The following DDX3X variants were observed in gnomAD, a reference collection of about 807,000 sequenced individuals.
DDX3X encodes ATP-dependent RNA helicase DDX3X.
DDX3X carries 4 observed loss-of-function variants against 52.7 expected under a neutral mutation model. The ratio of observed to expected loss-of-function variants is 0.08; its 90% CI spans 0.04 to 0.17. The LOEUF (loss-of-function observed/expected upper bound fraction) is 0.17. Among genes scored for constraint, DDX3X ranks in the 10% least tolerant of loss-of-function variants. The pLI, the probability that DDX3X is intolerant of heterozygous loss-of-function variation, is 1.00. For synonymous variants in DDX3X, 192 were observed against 178.1 expected (o/e 1.08, Z -0.62); for missense variants, 222 against 548.6 (o/e 0.40, Z 5.95).
At chrX:41,335,712 G>A (rs2063756982) in intron 1 of DDX3X, 2 of 112,076 alleles carry the variant, frequency 1.8e-5, no homozygotes, top group Middle Eastern at 9.2e-3. Context: ...TATTTTTTAG[G>A]AATTGATCTG....
At chrX:41,341,410 A>G in intron 3 of DDX3X, 74 bp from the exon 4 acceptor site, 1 of 917,364 alleles carries the variant, frequency 1.1e-6, no homozygotes, top group Non-Finnish European at 1.5e-6. Context: ...CAAATTCAGA[A>G]AGATTGATAA....
intron 7 of DDX3X, 112 bp from the exon 8 acceptor site, chrX:41,343,625 A>T (rs1326875703): frequency 1.4e-6 from 1 of 719,382 alleles, no homozygotes; most frequent in Non-Finnish European, 2.0e-6. Flanking sequence ...GGAAAACTTA[A>T]GCATAAACTA....
upstream of DDX3X, chrX:41,333,461 C>T (rs184221562): frequency 9.2e-6 from 1 of 108,613 alleles, no homozygotes; most frequent in Admixed American, 9.8e-5. Context: ...GTTCTCTCCT[C>T]CTCTTCCCCT....
At chrX:41,357,805 A>G in intron 5 of DDX3X, 1 of 295,716 alleles carries the variant, frequency 3.4e-6, no homozygotes, top group Non-Finnish European at 5.9e-6. Flanking sequence ...ACTTCCTAAC[A>G]TGGGATTCTC....
intron 12 of DDX3X, 51 bp from the exon 13 acceptor site, chrX:41,346,178 A>G: frequency 9.2e-7 from 1 of 1,089,170 alleles, no homozygotes; most frequent in African/African-American, 1.8e-5. Context: ...CATAAGTGCA[A>G]AGAGAACTAA....
chrX:41,363,966 G>A (rs1416963708), intron 5 of DDX3X, among the ~76,000 whole-genome samples: 3 of 111,358 alleles, frequency 2.7e-5, no homozygotes, highest in African/African-American at 9.8e-5. Context: ...GTTCTTCCAC[G>A]CTTCCTTCAG....
At chrX:41,340,956 C>T (rs995905398) in intron 3 of DDX3X, 2 of 280,420 alleles carry the variant, frequency 7.1e-6, no homozygotes, top group African/African-American at 5.6e-5. Flanking sequence ...CATTCTTAGA[C>T]TGTCAGATTG....
chrX:41,351,742 T>G (rs1412060313), downstream of DDX3X: 1 of 112,015 alleles, frequency 8.9e-6, no homozygotes, highest in African/African-American at 3.2e-5. Context: ...GTTTCTAATG[T>G]GGCTGTCCTC....
downstream of DDX3X, among the ~76,000 whole-genome samples, chrX:41,353,605 T>TAA (rs60207564): frequency 3.4e-5 from 3 of 88,493 alleles, no homozygotes; most frequent in Middle Eastern, 5.5e-3. Context: ...CCGTCTCTAC[T>TAA]AAAAAAAAAA....
chrX:41,350,704 A>G, downstream of DDX3X: 1 of 113,339 alleles, frequency 8.8e-6, no homozygotes, highest in Non-Finnish European at 1.9e-5. Context: ...GGGCAGGAAG[A>G]TTGCTTGAGC....
chrX:41,358,483 T>C (rs1239698375), intron 5 of DDX3X, among the ~76,000 whole-genome samples: 1 of 112,159 alleles, frequency 8.9e-6, no homozygotes, highest in Admixed American at 9.6e-5. Flanking sequence ...TTTCATCTTC[T>C]TAAAACTCAT....
chrX:41,348,155 T>A lies in DDX3X; in HGVS notation c.*436T>A. On this transcript the variant is annotated 3_prime_UTR_variant, in exon 17 of 17. Transcript: ENST00000644876. The stretch of plus-strand genomic sequence containing the variant: ...AAAATCAAACCTTGGCACACAGGTG[T>A]GATACAACTTAACAGGAATCATCGA... 1 of 262,693 alleles carries A rather than the reference T, an allele frequency of 3.8e-6. No homozygotes were observed. The allele number at this position is 262,693 out of a possible 1,213,427, so 21.6% of individuals were successfully genotyped here.
At chrX:41,346,173 G>C (rs2147358159) in intron 12 of DDX3X, 56 bp from the exon 13 acceptor site, 1 of 1,049,861 alleles carries the variant, frequency 9.5e-7, no homozygotes, top group Non-Finnish European at 1.3e-6. Flanking sequence ...GCATACATAA[G>C]TGCAAAGAGA....
chrX:41,347,080 A>T, intron 15 of DDX3X, 68 bp downstream of exon 15: 2 of 1,069,117 alleles, frequency 1.9e-6, no homozygotes. Context: ...TTTCCTCTGC[A>T]TGCATAACGT....
chrX:41,334,265 G>A lies in DDX3X; in HGVS notation c.13G>A (p.Ala5Thr). 8.3e-7 allele frequency: 1 copy of A among 1,211,536 alleles called. No individual in the cohort carries two copies. Among genetic ancestry groups the A allele is most frequent in the Non-Finnish European group, 1.1e-6 (1 of 895,140 alleles). Residue 5 changes from alanine to threonine, a missense_variant, in exon 1 of 17, where the codon GCA becomes ACA. This residue lies in a region of DDX3X where 93 missense variants were observed against 123.7 expected (regional missense o/e 0.75). Transcript: ENST00000644876. MSHVAVENALGLDQQ... is the reference protein window; with the variant it reads MSHVTVENALGLDQQ... Reference sequence around the variant, plus strand: ...GTACTCTTCAGGGATGAGTCATGTGGCAGTGGAAAATGCGCTCGGGCTGGA... The same window carrying A: ...GTACTCTTCAGGGATGAGTCATGTGACAGTGGAAAATGCGCTCGGGCTGGA...
chrX:41,358,065 CTTTTTTTTTTTTTT>C (rs59380932), intron 5 of DDX3X: 19 of 45,973 alleles, frequency 4.1e-4, no homozygotes, highest in Non-Finnish European at 6.3e-4. Context: ...GATAGACACT[CTTTTTTTTTTTTTT>C]TTTTTTTTTT....
chrX:41,337,286 C>A, intron 1 of DDX3X, 122 bp from the exon 2 acceptor site: 1 of 570,332 alleles, frequency 1.8e-6, no homozygotes, highest in South Asian at 2.5e-5. Flanking sequence ...TGGTATTAGC[C>A]CTGTGAGGTG....
upstream of DDX3X, chrX:41,333,426 C>T (rs770226900): frequency 1.9e-5 from 2 of 106,689 alleles, no homozygotes; most frequent in South Asian, 4.2e-4. Context: ...CCCCTCTTTT[C>T]CCTCCCTCTC....
chrX:41,362,136 T>G (rs1426937610), intron 5 of DDX3X, among the ~76,000 whole-genome samples: 1 of 100,005 alleles, frequency 1.0e-5, no homozygotes, highest in Non-Finnish European at 2.0e-5. Context: ...TTGCCCAGAC[T>G]GGAGTGCAAT....
Sources: gnomAD v4.1 joint callset for allele counts (sites outside exome capture counted in the v4.1 genomes callset) on GRCh38, gnomAD v4.1.1 for gene constraint, gnomAD v4.1.1 regional missense constraint, MANE v1.5 for transcripts, NCBI Gene and HGNC (gene_info 2026-07-23, HGNC 2026-07-21) for gene names.